Variants in ZNRF1 observed in about 807,000 individuals in gnomAD.
The protein encoded by ZNRF1 is E3 ubiquitin-protein ligase ZNRF1.
ZNRF1 carries 3 observed loss-of-function variants against 18.4 expected under a neutral mutation model. The ratio of observed to expected loss-of-function variants is 0.16; its 90% CI spans 0.07 to 0.42. The LOEUF (loss-of-function observed/expected upper bound fraction) is 0.42, where lower values mean the gene tolerates loss of function less well. ZNRF1 is among the 10% of genes least tolerant of loss of function. ZNRF1 has a pLI of 0.99. For synonymous variants in ZNRF1, 157 were observed against 144.2 expected, an observed-to-expected ratio of 1.09 and a Z score of -0.64; for missense variants, 310 against 329.8, an observed-to-expected ratio of 0.94 and a Z score of 0.47.
chr16:75,067,355 A>G (rs1352754887), intron 1 of ZNRF1, among the ~76,000 whole-genome samples: 3 of 152,290 alleles, frequency 2.0e-5, no homozygotes, highest in East Asian at 1.9e-4. Flanking sequence ...CATAGACCCC[A>G]TGTCTCGATA....
intron 1 of ZNRF1, among the ~76,000 whole-genome samples, chr16:75,039,049 T>C (rs2145359069): frequency 6.6e-6 from 1 of 152,326 alleles, no homozygotes; most frequent in East Asian, 1.9e-4. Context: ...AATCCTTGAA[T>C]TGAACCATTG....
chr16:75,053,366 A>G (rs1474956243), intron 1 of ZNRF1, among the ~76,000 whole-genome samples: 1 of 152,164 alleles, frequency 6.6e-6, no homozygotes, highest in Non-Finnish European at 1.5e-5. Flanking sequence ...AGGCAGGTGG[A>G]TCACCTGAGG....
At chr16:75,028,543 C>T (rs1196987622) in intron 1 of ZNRF1, among the ~76,000 whole-genome samples, 1 of 152,252 alleles carries the variant, frequency 6.6e-6, no homozygotes, top group East Asian at 1.9e-4. Context: ...GATCCACCCA[C>T]CTTGGGCTCC....
At chr16:75,088,061 G>T (rs2036094429) in intron 1 of ZNRF1, among the ~76,000 whole-genome samples, 1 of 152,212 alleles carries the variant, frequency 6.6e-6, no homozygotes, top group South Asian at 2.1e-4. Flanking sequence ...CAGACCTTTG[G>T]TTTACTTTTG....
chr16:75,103,477 CAG>C (rs146751236), intron 2 of ZNRF1, among the ~76,000 whole-genome samples: 1,905 of 152,074 alleles, frequency 0.013, 49 homozygotes, highest in African/African-American at 0.039. Context: ...CTCATAGAAG[CAG>C]AGAGTAGACT....
At chr16:75,103,992 A>T (rs2036282856) in intron 2 of ZNRF1, 2 of 150,404 alleles carry the variant, frequency 1.3e-5, no homozygotes, top group Non-Finnish European at 2.9e-5. Context: ...CTCAAATAAA[A>T]GCGGGGTGGT....
At chr16:75,069,213 A>G (rs970252639) in intron 1 of ZNRF1, among the ~76,000 whole-genome samples, 9 of 152,148 alleles carry the variant, frequency 5.9e-5, no homozygotes, top group Admixed American at 5.9e-4. Flanking sequence ...TGCTTTGCAC[A>G]TAGACATCTC....
chr16:75,025,804 GC>G (rs1438822574), intron 1 of ZNRF1, among the ~76,000 whole-genome samples: 1 of 151,318 alleles, frequency 6.6e-6, no homozygotes, highest in Non-Finnish European at 1.5e-5. Flanking sequence ...TCTGCCAATG[GC>G]TAGACTAGAG....
In ZNRF1 at chr16:75,008,153, A is replaced by G. The variant is rs372094902; in HGVS notation, c.424+8058A>G. Among the ~76,000 whole-genome samples, 280 of 152,236 alleles carry G rather than the reference A, an allele frequency of 1.8e-3. 1 individual carries two copies. The highest frequency in any genetic ancestry group is 6.1e-3 in the African/African-American group (252 of 41,524). On this transcript the variant is annotated intron_variant, in intron 1 of 4. Transcript: ENST00000335325. ...CTCAGCTTCCCAAAATACTGGGATT[A>G]TAAGTGTGAAGCCACTGTGCCTGGC...
chr16:75,099,919 A>C (rs2036236865), intron 2 of ZNRF1, among the ~76,000 whole-genome samples: 1 of 152,164 alleles, frequency 6.6e-6, no homozygotes, highest in Non-Finnish European at 1.5e-5. Flanking sequence ...GGAGGCCACT[A>C]ACTCCCACAG....
rs540099405 is a variant in ZNRF1, at chr16:75,005,636, A to G, written c.424+5541A>G. 2.6e-5 allele frequency among the ~76,000 whole-genome samples: 4 copies of G among 152,326 alleles called. No individual in the cohort carries two copies. The East Asian group carries it at 7.7e-4, about 29-fold the overall frequency. ...TGCCTGAAACCGTGGATAGTACCTCACCTGAACCCTATATCTACTATGTCT... is the reference window on the plus strand; with the variant it reads ...TGCCTGAAACCGTGGATAGTACCTCGCCTGAACCCTATATCTACTATGTCT... On this transcript the variant is annotated intron_variant, in intron 1 of 4. Transcript: ENST00000335325.
At chr16:75,035,334 TTAAA>T (rs2035364106) in intron 1 of ZNRF1, among the ~76,000 whole-genome samples, 1 of 152,252 alleles carries the variant, frequency 6.6e-6, no homozygotes, top group East Asian at 1.9e-4. Context: ...GCACTGGGCC[TTAAA>T]ATGTTTTTCT....
intron 2 of ZNRF1, chr16:75,095,592 T>C: frequency 3.9e-6 from 6 of 1,543,354 alleles, no homozygotes; most frequent in Non-Finnish European, 5.3e-6. Flanking sequence ...ACTGCGTTTG[T>C]TGTAGGAAGA....
intron 2 of ZNRF1, among the ~76,000 whole-genome samples, chr16:75,101,016 C>T (rs1048506546): frequency 6.6e-6 from 1 of 152,220 alleles, no homozygotes; most frequent in Non-Finnish European, 1.5e-5. Flanking sequence ...TCACTGTAAT[C>T]TCTGCCTCCC....
chr16:75,075,247 G>C (rs2035924628), intron 1 of ZNRF1, among the ~76,000 whole-genome samples: 4 of 152,258 alleles, frequency 2.6e-5, no homozygotes, highest in Admixed American at 2.6e-4. Context: ...TACTGTCAAG[G>C]CCTGCCCAGG....
At chr16:75,087,404 CA>C (rs1239289083) in intron 1 of ZNRF1, among the ~76,000 whole-genome samples, 2 of 152,212 alleles carry the variant, frequency 1.3e-5, no homozygotes, top group East Asian at 3.9e-4. Flanking sequence ...AACCAAATGG[CA>C]AAGGATTTCC....
At chr16:75,041,672 C>T (rs1329597308) in intron 1 of ZNRF1, among the ~76,000 whole-genome samples, 1 of 152,082 alleles carries the variant, frequency 6.6e-6, no homozygotes. Context: ...TAGTGATGAT[C>T]CCTTTTCATG....
At chr16:75,034,033 C>G (rs1486014080) in intron 1 of ZNRF1, among the ~76,000 whole-genome samples, 1 of 151,914 alleles carries the variant, frequency 6.6e-6, no homozygotes, top group Non-Finnish European at 1.5e-5. Flanking sequence ...TGGTGCACAC[C>G]TGTAGTCCCA....
At chr16:75,017,906 A>G (rs2035092246) in intron 1 of ZNRF1, among the ~76,000 whole-genome samples, 1 of 152,194 alleles carries the variant, frequency 6.6e-6, no homozygotes, top group Non-Finnish European at 1.5e-5. Flanking sequence ...AGTATAGGGT[A>G]GTAGTTAAGG....
Sources: allele counts gnomAD v4.1 joint callset (sites outside exome capture counted in the v4.1 genomes callset), GRCh38; gene constraint gnomAD v4.1.1; transcripts MANE v1.5; gene names NCBI Gene and HGNC (gene_info 2026-07-23, HGNC 2026-07-21).